The following IQCF1 variants were observed in gnomAD, a reference collection of about 807,000 sequenced individuals.
IQCF1 encodes the protein IQ motif containing F1, also known as IQ domain-containing protein F1.
A neutral mutation model predicts 12.5 loss-of-function variants in IQCF1; 9 were observed. That is an observed-to-expected ratio of 0.72 (90% CI 0.43 to 1.26). The LOEUF is 1.26. IQCF1 is among the 50% of genes most tolerant of loss of function. IQCF1 has a pLI of 0.00. For missense variants in IQCF1, 252 were observed against 257.4 expected (o/e 0.98, Z 0.14); for synonymous variants, 67 against 96.2 (o/e 0.70, Z 1.78).
chr3:51,896,715 A>G lies in IQCF1; in HGVS notation c.171+117T>C, dbSNP rs533630965. 4.9e-4 allele frequency: 252 copies of G among 516,320 alleles called. 3 individuals carry two copies. Among genetic ancestry groups the G allele is most frequent in the South Asian group, 4.1e-3 (166 of 40,370 alleles). The allele number at this position is 516,320 out of a possible 1,614,324, so 32.0% of individuals were successfully genotyped here. A position where few individuals can be genotyped will look rare whatever the true frequency, so the allele number is the denominator to read the frequency against. On this transcript the variant is annotated intron_variant, in intron 3 of 3. Coordinates refer to ENST00000310914, the MANE Select transcript of IQCF1 (RefSeq NM_152397.3). ...CGCGCGCACACACACACACACACGC[A>G]CACACACACACACATACTTCTAACT...
intron 2 of IQCF1, 158 bp downstream of exon 2, chr3:51,902,827 G>A (rs1577638190): frequency 5.5e-6 from 4 of 731,878 alleles, no homozygotes; most frequent in Non-Finnish European, 1.0e-5. Flanking sequence ...TTCTATAGAA[G>A]TACCTTGCCT....
In IQCF1 at chr3:51,900,122, A is replaced by C. The variant is rs1699057905; in HGVS notation, c.108+2863T>G. 6.6e-6 allele frequency among the ~76,000 whole-genome samples: 1 copy of C among 152,142 alleles called. No individual in the cohort carries two copies. Among genetic ancestry groups the C allele is most frequent in the Non-Finnish European group, 1.5e-5 (1 of 68,034 alleles). ...GTACCACCCCTAGAATTTCCGGTAAACCAGCACCAGCCTGAAGATCACATT... is the reference window on the plus strand; with the variant it reads ...GTACCACCCCTAGAATTTCCGGTAACCCAGCACCAGCCTGAAGATCACATT... On this transcript the variant is annotated intron_variant, in intron 2 of 3. Coordinates refer to ENST00000310914, the MANE Select transcript of IQCF1 (RefSeq NM_152397.3). This position sits in a 1 kb window ranked among gnomAD's most constrained non-coding sequence, Gnocchi z 4.2.
chr3:51,903,218 G>C, intron 1 of IQCF1, 52 bp downstream of exon 1: 1 of 1,609,414 alleles, frequency 6.2e-7, no homozygotes, highest in South Asian at 1.1e-5. Context: ...TTCACCCTGA[G>C]AGATCTATGG....
chr3:51,899,475 C>A (rs1192824556), intron 2 of IQCF1, among the ~76,000 whole-genome samples: 1 of 152,084 alleles, frequency 6.6e-6, no homozygotes, highest in Non-Finnish European at 1.5e-5. Context: ...GTAAAATATA[C>A]CTTTGGTAAA....
Position 51,894,959 on chromosome 3 carries a change from C to A in IQCF1, c.549G>T (p.Gln183His). 6.2e-7 allele frequency: 1 copy of A among 1,614,230 alleles called. No homozygotes were observed. Among genetic ancestry groups the A allele is most frequent in the Non-Finnish European group, 8.5e-7 (1 of 1,180,036 alleles). The change falls in exon 4 of 4, where the codon CAG becomes CAT. Residue 183 changes from glutamine to histidine, a missense_variant. Coordinates refer to ENST00000310914, the MANE Select transcript of IQCF1 (RefSeq NM_152397.3). ...YRVTANQLHL[Q>H]LEILLDSGPC... The stretch of plus-strand genomic sequence containing the variant: ...GCCCTGAGTCCAGCAAGATCTCCAG[C>A]TGGAGATGCAGCTGGTTGGCTGTGA...
intron 2 of IQCF1, among the ~76,000 whole-genome samples, chr3:51,898,710 G>C (rs1699042193): frequency 6.6e-6 from 1 of 151,956 alleles, no homozygotes; most frequent in South Asian, 2.1e-4. Context: ...ATTAACCACT[G>C]AAAATTCCCT....
chr3:51,901,350 C>T (rs1227089384), intron 2 of IQCF1, among the ~76,000 whole-genome samples: 1 of 152,242 alleles, frequency 6.6e-6, no homozygotes, highest in Non-Finnish European at 1.5e-5. Context: ...CATCCAGCTT[C>T]CATCTCCCAA....
chr3:51,901,895 A>G (rs1365745984), intron 2 of IQCF1, among the ~76,000 whole-genome samples: 2 of 152,238 alleles, frequency 1.3e-5, no homozygotes, highest in Non-Finnish European at 2.9e-5. Context: ...TGGCTTGGGA[A>G]AATAGGATAG....
chr3:51,897,709 T>G (rs960601548), intron 2 of IQCF1, among the ~76,000 whole-genome samples: 2 of 152,172 alleles, frequency 1.3e-5, no homozygotes, highest in Non-Finnish European at 2.9e-5. Context: ...TCCTTGGTGG[T>G]CAAATTCTGG....
At chr3:51,903,220 G>C in intron 1 of IQCF1, 50 bp downstream of exon 1, 1 of 1,609,470 alleles carries the variant, frequency 6.2e-7, no homozygotes, top group Non-Finnish European at 8.5e-7. Flanking sequence ...CACCCTGAGA[G>C]ATCTATGGGG....
intron 3 of IQCF1, 123 bp downstream of exon 3, chr3:51,896,709 A>ACACG (rs1559735235): frequency 4.7e-6 from 3 of 645,050 alleles, no homozygotes; most frequent in Non-Finnish European, 2.9e-6. Context: ...ACACACACAC[A>ACACG]CACGCACACA....
Position 51,900,745 on chromosome 3 carries a change from A to G in IQCF1, c.108+2240T>C, listed in dbSNP as rs1032929789. 1.3e-5 allele frequency among the ~76,000 whole-genome samples: 2 copies of G among 152,202 alleles called. No homozygotes were observed. Among genetic ancestry groups the G allele is most frequent in the African/African-American group, 4.8e-5 (2 of 41,452 alleles). ...CCTAAAACCATACATTCATCTTACT[A>G]GAGGGACAGCCCCCGCCTCCCACTA... On this transcript the variant is annotated intron_variant, in intron 2 of 3. Coordinates refer to ENST00000310914, the MANE Select transcript of IQCF1 (RefSeq NM_152397.3). This position sits in a 1 kb window ranked among gnomAD's most constrained non-coding sequence, Gnocchi z 4.2.
intron 2 of IQCF1, among the ~76,000 whole-genome samples, chr3:51,897,187 C>G (rs200594476): frequency 2.3e-5 from 3 of 133,076 alleles, no homozygotes; most frequent in African/African-American, 8.4e-5. Flanking sequence ...CCATCACTCT[C>G]TTTAAATTAG....
chr3:51,895,373 C>T lies in IQCF1; in HGVS notation c.172-37G>A. 1 of 1,561,932 alleles carries T rather than the reference C, an allele frequency of 6.4e-7. No individual in the cohort carries two copies. The highest frequency in any genetic ancestry group is 1.4e-5 in the African/African-American group (1 of 73,630). ...AAAAGAGGGACCTTCAGAGAATGCTCCCCACTGGCTTCAGCTCTGGGGTGT... is the reference window on the plus strand; with the variant it reads ...AAAAGAGGGACCTTCAGAGAATGCTTCCCACTGGCTTCAGCTCTGGGGTGT... On this transcript the variant is annotated intron_variant, in intron 3 of 3. Coordinates refer to ENST00000310914, the MANE Select transcript of IQCF1 (RefSeq NM_152397.3). This position sits in a 1 kb window ranked among gnomAD's most constrained non-coding sequence, Gnocchi z 4.8.
In IQCF1 at chr3:51,895,474, C is replaced by A; in HGVS notation, c.172-138G>T. On this transcript the variant is annotated intron_variant, in intron 3 of 3. Coordinates refer to ENST00000310914, the MANE Select transcript of IQCF1 (RefSeq NM_152397.3). This position sits in a 1 kb window ranked among gnomAD's most constrained non-coding sequence, Gnocchi z 4.8. ...TCAGGAGCACTGGGCAGGGCACTGG[C>A]TGGAACCAGAAGATCAGGTAGATGT... 1.3e-6 allele frequency: 1 copy of A among 745,168 alleles called. No homozygotes were observed. The highest frequency in any genetic ancestry group is 2.1e-6 in the Non-Finnish European group (1 of 467,704). 46.2% of individuals were successfully genotyped at this position (745,168 alleles called of 1,614,324 possible).
At chr3:51,897,668 AAGG>A (rs2106641552) in intron 2 of IQCF1, among the ~76,000 whole-genome samples, 1 of 152,348 alleles carries the variant, frequency 6.6e-6, no homozygotes, top group African/African-American at 2.4e-5. Flanking sequence ...CAGACCAAGG[AAGG>A]AGAAGCTGTG....
chr3:51,902,613 C>A (rs1360691357), intron 2 of IQCF1, among the ~76,000 whole-genome samples: 1 of 152,152 alleles, frequency 6.6e-6, no homozygotes, highest in South Asian at 2.1e-4. Flanking sequence ...TCCTGCTCCG[C>A]GGTAACCATT....
At chr3:51,898,625 A>G (rs1451217960) in intron 2 of IQCF1, among the ~76,000 whole-genome samples, 1 of 152,210 alleles carries the variant, frequency 6.6e-6, no homozygotes, top group African/African-American at 2.4e-5. Context: ...CAAAAAAAAA[A>G]AAAGCAAAAA....
chr3:51,895,623 T>C lies in IQCF1; in HGVS notation c.172-287A>G, dbSNP rs1698994350. On this transcript the variant is annotated intron_variant, in intron 3 of 3. Transcript: ENST00000310914. The surrounding 1 kb of genome is among the most constrained non-coding windows in gnomAD (Gnocchi z 4.8). ...CTCACCCAGTTTTCCATGGACCTTG[T>C]TGACCAGCAAGAACACTGTGATATA... 6.6e-6 allele frequency among the ~76,000 whole-genome samples: 1 copy of C among 152,190 alleles called. No homozygotes were observed. The highest frequency in any genetic ancestry group is 2.4e-5 in the African/African-American group (1 of 41,460).
Sources: gnomAD v4.1 joint callset for allele counts (sites outside exome capture counted in the v4.1 genomes callset) on GRCh38, gnomAD v4.1.1 for gene constraint, Gnocchi (gnomAD v3.1) non-coding constraint, MANE v1.5 for transcripts, NCBI Gene and HGNC (gene_info 2026-07-23, HGNC 2026-07-21) for gene names.